Variants in DLGAP1 observed in about 807,000 individuals in gnomAD.
The protein encoded by DLGAP1 is disks large-associated protein 1.
Under a neutral mutation model 90.8 loss-of-function variants are expected in DLGAP1, and 11 were observed. That is an observed-to-expected ratio of 0.12 (90% confidence interval 0.08 to 0.20). The LOEUF is 0.20. DLGAP1 is among the 10% of genes least tolerant of loss of function. The probability of loss-of-function intolerance (pLI) is 1.00; values close to 1 mark genes in which losing one functional copy is unlikely to be tolerated. For synonymous variants in DLGAP1, 558 were observed against 540.7 expected (o/e 1.03, Z -0.44); for missense variants, 1,050 against 1,333.8 (o/e 0.79, Z 3.31).
chr18:4,124,408 C>G (rs73386708), intron 2 of DLGAP1, among the ~76,000 whole-genome samples: 5,009 of 152,248 alleles, frequency 0.033, 290 homozygotes, highest in African/African-American at 0.11. Flanking sequence ...CTGTAAATAG[C>G]TTAGAATGTT....
In DLGAP1 at chr18:3,600,719, TAG is replaced by T. The variant is rs1265964236; in HGVS notation, c.1592-18473_1592-18472del. ...ATAGATATCTATAGCTATATAGATA[TAG>T]AGATATAGATATATATAGATATATA... On this transcript the variant is annotated intron_variant, in intron 7 of 12. Transcript: ENST00000315677. Among the ~76,000 whole-genome samples, 2 of 61,300 alleles carry T rather than the reference TAG, an allele frequency of 3.3e-5. 1 individual carries two copies. Among genetic ancestry groups the T allele is most frequent in the Admixed American group, 3.5e-4 (2 of 5,732 alleles). 40.2% of individuals were successfully genotyped at this position (61,300 alleles called of 152,430 possible).
chr18:4,034,261 C>T (rs1225224036), intron 2 of DLGAP1, among the ~76,000 whole-genome samples: 1 of 151,844 alleles, frequency 6.6e-6, no homozygotes, highest in African/African-American at 2.4e-5. Context: ...AGGCTGGTCT[C>T]AAACACCTGA....
chr18:3,894,065 T>C (rs2071552700), intron 3 of DLGAP1, among the ~76,000 whole-genome samples: 2 of 152,168 alleles, frequency 1.3e-5, no homozygotes, highest in African/African-American at 4.8e-5. Flanking sequence ...TTTAATGGGG[T>C]TATTTGGTTT....
chr18:4,330,589 T>G (rs2143720711), intron 1 of DLGAP1, among the ~76,000 whole-genome samples: 2 of 152,038 alleles, frequency 1.3e-5, no homozygotes, highest in Middle Eastern at 3.4e-3. Context: ...TTCAAAATAT[T>G]TTCTAATTTC....
intron 2 of DLGAP1, among the ~76,000 whole-genome samples, chr18:4,120,173 C>T (rs569718537): frequency 7.0e-4 from 106 of 152,278 alleles, no homozygotes; most frequent in African/African-American, 2.5e-3. Context: ...AAAACCATCC[C>T]TTGTTTGAAA....
intron 3 of DLGAP1, among the ~76,000 whole-genome samples, chr18:3,997,703 A>C (rs1174342615): frequency 6.6e-6 from 1 of 152,056 alleles, no homozygotes; most frequent in East Asian, 1.9e-4. Context: ...AGAAAACATT[A>C]AAATTAAAAT....
chr18:4,107,996 C>T (rs577538246), intron 2 of DLGAP1, among the ~76,000 whole-genome samples: 4 of 152,262 alleles, frequency 2.6e-5, no homozygotes, highest in African/African-American at 9.6e-5. Flanking sequence ...TACTGAGTAA[C>T]TTGAGAAAAC....
intron 3 of DLGAP1, among the ~76,000 whole-genome samples, chr18:3,965,223 TA>T (rs2073297675): frequency 2.6e-5 from 4 of 152,262 alleles, no homozygotes; most frequent in Admixed American, 6.5e-5. Context: ...AAAATGTCAA[TA>T]TGGGCACTTG....
chr18:3,730,837 A>G (rs1283011105), intron 6 of DLGAP1, among the ~76,000 whole-genome samples: 1 of 152,228 alleles, frequency 6.6e-6, no homozygotes, highest in Non-Finnish European at 1.5e-5. Flanking sequence ...CTAATTTGTT[A>G]TGTGAAATCC....
intron 4 of DLGAP1, among the ~76,000 whole-genome samples, chr18:3,865,203 G>A (rs1174039249): frequency 6.6e-6 from 1 of 152,156 alleles, no homozygotes. Flanking sequence ...ATTAAATTAA[G>A]CAAAGAATAT....
intron 3 of DLGAP1, chr18:3,978,500 T>C: frequency 8.1e-6 from 2 of 246,964 alleles, no homozygotes; most frequent in South Asian, 5.7e-5. Flanking sequence ...GTCGTTGAGG[T>C]CAATGAACGG....
chr18:3,724,740 A>C (rs899540971), intron 7 of DLGAP1, among the ~76,000 whole-genome samples: 2 of 152,026 alleles, frequency 1.3e-5, no homozygotes, highest in Non-Finnish European at 2.9e-5. Context: ...CCATCTCAAA[A>C]AATGAAAAAA....
chr18:4,204,730 G>A (rs1447442775), intron 1 of DLGAP1, among the ~76,000 whole-genome samples: 1 of 152,124 alleles, frequency 6.6e-6, no homozygotes, highest in Non-Finnish European at 1.5e-5. Flanking sequence ...GATGAAGTAA[G>A]AGGTAAAAAA....
intron 4 of DLGAP1, among the ~76,000 whole-genome samples, chr18:3,836,338 T>C (rs1051964136): frequency 6.6e-6 from 1 of 152,160 alleles, no homozygotes; most frequent in African/African-American, 2.4e-5. Flanking sequence ...AGGAGAAAAG[T>C]GCATTTATCG....
At chr18:4,321,949 G>A (rs1215790586) in intron 1 of DLGAP1, among the ~76,000 whole-genome samples, 1 of 123,812 alleles carries the variant, frequency 8.1e-6, no homozygotes, top group Non-Finnish European at 1.7e-5. Flanking sequence ...TGTAAACTCA[G>A]CAGTTTGGGA....
intron 5 of DLGAP1, among the ~76,000 whole-genome samples, chr18:3,754,037 A>G (rs2063610478): frequency 6.6e-6 from 1 of 152,078 alleles, no homozygotes; most frequent in African/African-American, 2.4e-5. Flanking sequence ...TCTCACTCCC[A>G]TCATCTAGGC....
chr18:3,849,796 G>A (rs1025799534), intron 4 of DLGAP1, among the ~76,000 whole-genome samples: 5 of 152,094 alleles, frequency 3.3e-5, no homozygotes, highest in African/African-American at 4.8e-5. Flanking sequence ...GCCTCTACTC[G>A]GGGCCTAGTG....
chr18:4,044,563 A>G (rs1253580222), intron 2 of DLGAP1, among the ~76,000 whole-genome samples: 1 of 152,136 alleles, frequency 6.6e-6, no homozygotes. Context: ...CAAGATGGTG[A>G]AACCCTGTCT....
At chr18:4,244,350 C>T (rs1322146332) in intron 1 of DLGAP1, among the ~76,000 whole-genome samples, 3 of 152,112 alleles carry the variant, frequency 2.0e-5, no homozygotes, top group Admixed American at 1.3e-4. Context: ...TATTTAATAA[C>T]ATCTTTTAAT....
Sources: allele counts gnomAD v4.1 joint callset (sites outside exome capture counted in the v4.1 genomes callset), GRCh38; gene constraint gnomAD v4.1.1; transcripts MANE v1.5; gene names NCBI Gene and HGNC (gene_info 2026-07-23, HGNC 2026-07-21).